VSTM2L: variants seen among roughly 807,000 people sequenced by gnomAD.
VSTM2L encodes V-set and transmembrane domain containing 2 like, also known as V-set and transmembrane domain-containing protein 2-like protein.
In VSTM2L, 9 loss-of-function variants were observed where a neutral mutation model predicts 19.9. That is an observed-to-expected ratio of 0.45 (90% CI 0.27 to 0.79). VSTM2L has a LOEUF of 0.79. Ranked by LOEUF, VSTM2L falls within the 30% of genes least tolerant of loss-of-function variation. VSTM2L has a pLI of 0.15. For synonymous variants in VSTM2L, 127 were observed against 133.8 expected, an observed-to-expected ratio of 0.95 and a Z score of 0.35; for missense variants, 286 against 295.5, an observed-to-expected ratio of 0.97 and a Z score of 0.24.
Position 37,930,872 on chromosome 20 carries a change from G to A in VSTM2L, c.122-763G>A, listed in dbSNP as rs188957632. ...CGCAACTGCCAGCGGCAGGAGCTCT[G>A]TGTCCCTGTCCTCCTGGAGCTGCCG... On this transcript the variant is annotated intron_variant, in intron 1 of 3. Coordinates refer to ENST00000373461, the MANE Select transcript of VSTM2L (RefSeq NM_080607.3). Among the ~76,000 whole-genome samples the A allele has an allele frequency of 5.9e-5, 9 of 152,300 alleles. No individual in the cohort carries two copies. In the East Asian group the frequency reaches 1.7e-3, roughly 30 times the overall value.
chr20:37,909,751 A>C (rs1254718443), intron 1 of VSTM2L, among the ~76,000 whole-genome samples: 2 of 152,002 alleles, frequency 1.3e-5, no homozygotes, highest in African/African-American at 2.4e-5. Flanking sequence ...AGGATGGGGG[A>C]GTCCAAGGGT....
chr20:37,941,858 C>T (rs1313230509), intron 3 of VSTM2L, among the ~76,000 whole-genome samples: 2 of 151,184 alleles, frequency 1.3e-5, no homozygotes, highest in Admixed American at 1.3e-4. Flanking sequence ...AAGAAGCCCC[C>T]TCCCACCACC....
chr20:37,924,756 T>G (rs1387941441), intron 1 of VSTM2L, among the ~76,000 whole-genome samples: 1 of 152,038 alleles, frequency 6.6e-6, no homozygotes, highest in Non-Finnish European at 1.5e-5. Flanking sequence ...GTATCCTCAC[T>G]CAGAGTTAGG....
rs967261846 is a variant in VSTM2L, at chr20:37,940,716, G to A, written c.343-3265G>A. 2.6e-5 allele frequency among the ~76,000 whole-genome samples: 4 copies of A among 152,246 alleles called. No homozygotes were observed. In the East Asian group the frequency reaches 7.7e-4, roughly 29 times the overall value. On this transcript the variant is annotated intron_variant, in intron 3 of 3. Coordinates refer to ENST00000373461, the MANE Select transcript of VSTM2L (RefSeq NM_080607.3). Reference sequence around the variant, plus strand: ...GAGACTAGGTAATTCACAAAGAAAAGAGGTTAAATTGGCTCAACGTTCTGC... The same window carrying A: ...GAGACTAGGTAATTCACAAAGAAAAAAGGTTAAATTGGCTCAACGTTCTGC...
At chr20:37,909,764 C>T (rs530332437) in intron 1 of VSTM2L, among the ~76,000 whole-genome samples, 5 of 152,242 alleles carry the variant, frequency 3.3e-5, no homozygotes, top group Middle Eastern at 3.4e-3. Context: ...CCAAGGGTCG[C>T]GCCCTTCTCC....
Position 37,940,271 on chromosome 20 carries a change from C to T in VSTM2L, c.343-3710C>T, listed in dbSNP as rs2072964571. The stretch of plus-strand genomic sequence containing the variant: ...GATGGAGTCAGAGGGACAGGGTGGG[C>T]TCCAGCAGGGCCTGGCACTAGGGAG... On this transcript the variant is annotated intron_variant, in intron 3 of 3. Coordinates refer to ENST00000373461, the MANE Select transcript of VSTM2L (RefSeq NM_080607.3). 2.6e-5 allele frequency among the ~76,000 whole-genome samples: 4 copies of T among 152,348 alleles called. No homozygotes were observed. The South Asian group carries it at 8.3e-4, about 32-fold the overall frequency.
rs185779782 is a variant in VSTM2L at position 37,933,945 on chromosome 20, T to A, written c.342+356T>A. The stretch of plus-strand genomic sequence containing the variant: ...TTTTGGCCTATCATGACTGACTGAG[T>A]GTTACGCCATCTCAGGGTCACTTGG... On this transcript the variant is annotated intron_variant, in intron 3 of 3. Coordinates refer to ENST00000373461, the MANE Select transcript of VSTM2L (RefSeq NM_080607.3). Among the ~76,000 whole-genome samples the A allele has an allele frequency of 5.3e-5, 8 of 151,982 alleles. No individual in the cohort carries two copies. The East Asian group carries it at 1.5e-3, about 29-fold the overall frequency.
intron 1 of VSTM2L, among the ~76,000 whole-genome samples, chr20:37,929,616 G>GA (rs886148984): frequency 1.3e-5 from 2 of 152,176 alleles, no homozygotes; most frequent in African/African-American, 4.8e-5. Context: ...GCTGCTGTGT[G>GA]AAAATAGCTT....
chr20:37,943,850 C>A, intron 3 of VSTM2L, 131 bp from the exon 4 acceptor site: 1 of 980,486 alleles, frequency 1.0e-6, no homozygotes, highest in Non-Finnish European at 1.5e-6. Context: ...TTGTGCAAAC[C>A]TCGGTGGGCC....
chr20:37,903,328 C>A lies in VSTM2L; in HGVS notation c.-23C>A. On this transcript the variant is annotated 5_prime_UTR_variant, in exon 1 of 4. Transcript: ENST00000373461. The stretch of plus-strand genomic sequence containing the variant: ...CCGGGGCCCAGATGTGAGGCGGCGG[C>A]GCCCCCGGCCCGAGAGCGCACGATG... 2 of 1,420,564 alleles carry A rather than the reference C, an allele frequency of 1.4e-6. No individual in the cohort carries two copies. Among genetic ancestry groups the A allele is most frequent in the South Asian group, 2.9e-5 (2 of 68,782 alleles). The allele number at this position is 1,420,564 out of a possible 1,614,324, so 88.0% of individuals were successfully genotyped here.
chr20:37,923,371 C>A (rs374223784), intron 1 of VSTM2L, among the ~76,000 whole-genome samples: 30 of 152,208 alleles, frequency 2.0e-4, no homozygotes, highest in African/African-American at 7.0e-4. Context: ...TTTCCTGCAG[C>A]TGATGCACCG....
At chr20:37,937,620 A>T (rs1479785516) in intron 3 of VSTM2L, among the ~76,000 whole-genome samples, 1 of 152,218 alleles carries the variant, frequency 6.6e-6, no homozygotes, top group Non-Finnish European at 1.5e-5. Context: ...GGGGGACTTC[A>T]TCACTGTAAA....
At chr20:37,934,933 C>A (rs1367307083) in intron 3 of VSTM2L, among the ~76,000 whole-genome samples, 1 of 152,132 alleles carries the variant, frequency 6.6e-6, no homozygotes, top group Non-Finnish European at 1.5e-5. Context: ...GGTCCACCCC[C>A]GACCCTCTGC....
At chr20:37,910,739 C>G (rs1186984098) in intron 1 of VSTM2L, among the ~76,000 whole-genome samples, 12 of 148,684 alleles carry the variant, frequency 8.1e-5, no homozygotes, top group Non-Finnish European at 5.9e-5. Flanking sequence ...CATAGTGGAC[C>G]CTGTCTCTCA....
At chr20:37,932,664 T>G (rs565702450) in intron 2 of VSTM2L, among the ~76,000 whole-genome samples, 3 of 152,246 alleles carry the variant, frequency 2.0e-5, no homozygotes, top group Non-Finnish European at 4.4e-5. Context: ...CTTTCTTCCC[T>G]TTTTCGTTTC....
At chr20:37,931,911 C>A in intron 2 of VSTM2L, 107 bp downstream of exon 2, 1 of 1,262,642 alleles carries the variant, frequency 7.9e-7, no homozygotes, top group Non-Finnish European at 1.1e-6. Context: ...GGCTCCAACG[C>A]TGTTCTCCAC....
intron 1 of VSTM2L, among the ~76,000 whole-genome samples, chr20:37,922,238 C>T (rs552473346): frequency 1.9e-4 from 29 of 152,228 alleles, no homozygotes; most frequent in African/African-American, 6.5e-4. Flanking sequence ...TGCTTTCTGT[C>T]TCTGTGAGTT....
chr20:37,945,040 T>C lies in VSTM2L; in HGVS notation c.*787T>C. On this transcript the variant is annotated 3_prime_UTR_variant, in exon 4 of 4. Transcript: ENST00000373461. ...GAGTCCCCCTCTGCCGGCCCCCCAA[T>C]GCCCCAGCTCCCTCTTGGGTCCTGT... 1.6e-5 allele frequency: 16 copies of C among 985,764 alleles called. No homozygotes were observed. The highest frequency in any genetic ancestry group is 1.9e-5 in the Non-Finnish European group (16 of 829,926). The allele number at this position is 985,764 out of a possible 1,614,324, so 61.1% of individuals were successfully genotyped here.
chr20:37,914,398 A>G (rs370220060), intron 1 of VSTM2L, among the ~76,000 whole-genome samples: 3 of 804 alleles, frequency 3.7e-3, no homozygotes, highest in African/African-American at 5.2e-3. Context: ...GGGTGTGTGT[A>G]TGTATGTGTG....
Sources: allele counts gnomAD v4.1 joint callset (sites outside exome capture counted in the v4.1 genomes callset), GRCh38; gene constraint gnomAD v4.1.1; transcripts MANE v1.5; gene names NCBI Gene and HGNC (gene_info 2026-07-23, HGNC 2026-07-21).